Variants in EFCAB13 observed in about 807,000 individuals in gnomAD.
EFCAB13 encodes the protein EF-hand calcium-binding domain-containing protein 13.
In EFCAB13, 91 loss-of-function variants were observed where a neutral mutation model predicts 110.2. That is an observed-to-expected ratio of 0.83 (90% CI 0.70 to 0.98). The LOEUF (loss-of-function observed/expected upper bound fraction) is 0.98, where lower values mean the gene tolerates loss of function less well. Among genes scored for constraint, EFCAB13 ranks in the 50% least tolerant of loss-of-function variants. The pLI is 0.00. For missense variants in EFCAB13, 968 were observed against 1,119.4 expected (o/e 0.86, Z 1.93); for synonymous variants, 323 against 369.9 (o/e 0.87, Z 1.45).
At chr17:47,354,003 G>A (rs1389934488) in intron 9 of EFCAB13, among the ~76,000 whole-genome samples, 1 of 152,094 alleles carries the variant, frequency 6.6e-6, no homozygotes, top group African/African-American at 2.4e-5. Flanking sequence ...ACTTTTTGAT[G>A]TAGTCATTTT....
At chr17:47,426,436 T>C in intron 23 of EFCAB13, among the ~76,000 whole-genome samples, 1 of 152,174 alleles carries the variant, frequency 6.6e-6, no homozygotes, top group African/African-American at 2.4e-5. Flanking sequence ...GAAAACCCAA[T>C]AAGACTTTCC....
chr17:47,391,141 T>A (rs988931299), intron 14 of EFCAB13, among the ~76,000 whole-genome samples: 1 of 152,088 alleles, frequency 6.6e-6, no homozygotes, highest in Non-Finnish European at 1.5e-5. Flanking sequence ...GGGTCTTGCT[T>A]TGTTGCCCAA....
chr17:47,336,042 G>A (rs1281668850), intron 5 of EFCAB13, among the ~76,000 whole-genome samples: 1 of 152,084 alleles, frequency 6.6e-6, no homozygotes, highest in South Asian at 2.1e-4. Flanking sequence ...TGTTAAGTTT[G>A]TCTTAAAGAG....
chr17:47,438,498 C>CTTTTTTTTTT (rs112384926), intron 24 of EFCAB13, among the ~76,000 whole-genome samples: 3 of 142,344 alleles, frequency 2.1e-5, no homozygotes, highest in South Asian at 2.2e-4. Context: ...TAGTCTTATT[C>CTTTTTTTTTT]TTTTTTTTTT....
chr17:47,407,428 G>A (rs1473299124), intron 20 of EFCAB13, among the ~76,000 whole-genome samples: 4 of 152,028 alleles, frequency 2.6e-5, no homozygotes, highest in Non-Finnish European at 2.9e-5. Flanking sequence ...TGCCTTATTC[G>A]ACAGTGTAGA....
At chr17:47,366,887 T>C (rs1642081303) in intron 10 of EFCAB13, among the ~76,000 whole-genome samples, 2 of 152,244 alleles carry the variant, frequency 1.3e-5, no homozygotes, top group South Asian at 4.1e-4. Context: ...ATTGGACTTC[T>C]GTTCAGAGAA....
chr17:47,430,190 C>G, intron 24 of EFCAB13: 1 of 1,124,208 alleles, frequency 8.9e-7, no homozygotes, highest in Non-Finnish European at 1.1e-6. Context: ...CTGACAGTAC[C>G]TAGGAGGTGA....
At chr17:47,379,561 T>G (rs2065634984) in intron 14 of EFCAB13, among the ~76,000 whole-genome samples, 1 of 109,288 alleles carries the variant, frequency 9.2e-6, no homozygotes, top group African/African-American at 3.4e-5. Context: ...GTGATATGGT[T>G]TGTTTTTTTT....
intron 4 of EFCAB13, among the ~76,000 whole-genome samples, chr17:47,333,822 T>C (rs1261711669): frequency 1.3e-5 from 2 of 152,198 alleles, no homozygotes; most frequent in Non-Finnish European, 2.9e-5. Context: ...CCAGTAACAT[T>C]CTGTTTTGAT....
chr17:47,329,295 G>A (rs1284748220), intron 4 of EFCAB13, among the ~76,000 whole-genome samples: 1 of 152,020 alleles, frequency 6.6e-6, no homozygotes, highest in South Asian at 2.1e-4. Context: ...ACAAAAGGGT[G>A]GGGGGATTCC....
In EFCAB13 at chr17:47,431,130, TTTG is replaced by T. The variant is rs1905108261; in HGVS notation, c.2638+1172_2638+1174del. On this transcript the variant is annotated intron_variant, in intron 24 of 24. Transcript: ENST00000331493. This position sits in a 1 kb window ranked among gnomAD's most constrained non-coding sequence, Gnocchi z 4.1. ...TGTTAGAAACATTCCAATTTCACTC[TTTG>T]TTATTTTGAAATATAAAATAAATTA... Among the ~76,000 whole-genome samples the T allele has an allele frequency of 6.6e-6, 1 of 152,128 alleles. No individual in the cohort carries two copies. The highest frequency in any genetic ancestry group is 1.5e-5 in the Non-Finnish European group (1 of 68,002).
At chr17:47,405,249 C>T (rs1357604919) in intron 20 of EFCAB13, among the ~76,000 whole-genome samples, 1 of 152,146 alleles carries the variant, frequency 6.6e-6, no homozygotes, top group East Asian at 1.9e-4. Flanking sequence ...TTTACTATTA[C>T]AAACATTTGG....
At chr17:47,403,328 C>T (rs765056716) in intron 18 of EFCAB13, among the ~76,000 whole-genome samples, 7 of 152,118 alleles carry the variant, frequency 4.6e-5, no homozygotes, top group Non-Finnish European at 1.0e-4. Context: ...CCATTTTAGA[C>T]GAGACATTAA....
At chr17:47,383,707 A>G (rs770954757) in intron 14 of EFCAB13, among the ~76,000 whole-genome samples, 7 of 152,168 alleles carry the variant, frequency 4.6e-5, no homozygotes, top group African/African-American at 1.7e-4. Context: ...TATGTGGTCA[A>G]TTTTAGAATA....
rs755262450 is a variant in EFCAB13, at chr17:47,402,172, A to G, written c.1986A>G (p.Val662=). The G allele has an allele frequency of 1.2e-6, 2 of 1,613,962 alleles. No individual in the cohort carries two copies. The highest frequency in any genetic ancestry group is 1.7e-5 in the Admixed American group (1 of 60,028). The change falls in exon 18 of 25, where the codon GTA becomes GTG. Residue 662 remains valine (V), a synonymous_variant. Transcript: ENST00000331493. ...KVQFEEFAKV[V]RNMRDAARLE... ...AATTTGAAGAATTTGCAAAAGTAGTAAGGAATATGCGTGATGCTGCCAGGT... is the reference window on the plus strand; with the variant it reads ...AATTTGAAGAATTTGCAAAAGTAGTGAGGAATATGCGTGATGCTGCCAGGT...
At chr17:47,390,914 G>GTCTATCTA (rs1555583667) in intron 14 of EFCAB13, among the ~76,000 whole-genome samples, 36,831 of 150,124 alleles carry the variant, frequency 0.25, 4,814 homozygotes, top group Non-Finnish European at 0.29. Context: ...GTGTCTGTCT[G>GTCTATCTA]TCTATCTATC....
chr17:47,362,874 C>T (rs915234875), intron 10 of EFCAB13, among the ~76,000 whole-genome samples: 3 of 152,084 alleles, frequency 2.0e-5, no homozygotes, highest in Non-Finnish European at 4.4e-5. Context: ...CTTACCCTGC[C>T]CCTTTGTTTT....
chr17:47,391,419 A>G lies in EFCAB13; in HGVS notation c.1583-18A>G. On this transcript the variant is annotated intron_variant, in intron 14 of 24. Transcript: ENST00000331493. ...TGACTTATATTTAATACTTATTAGC[A>G]TACTCCTTTATTTTTAGCGTTGCCT... 2 of 1,523,304 alleles carry G rather than the reference A, an allele frequency of 1.3e-6. No individual in the cohort carries two copies. The highest frequency in any genetic ancestry group is 1.8e-6 in the Non-Finnish European group (2 of 1,141,734). The allele number at this position is 1,523,304 out of a possible 1,614,324, so 94.4% of individuals were successfully genotyped here.
chr17:47,407,993 A>G (rs563648416), intron 20 of EFCAB13, among the ~76,000 whole-genome samples: 16 of 152,280 alleles, frequency 1.1e-4, no homozygotes, highest in African/African-American at 2.9e-4. Flanking sequence ...TACAGTATCA[A>G]ATTTCTGGGT....
Sources: gnomAD v4.1 joint callset for allele counts (sites outside exome capture counted in the v4.1 genomes callset) on GRCh38, gnomAD v4.1.1 for gene constraint, Gnocchi (gnomAD v3.1) non-coding constraint, MANE v1.5 for transcripts, NCBI Gene and HGNC (gene_info 2026-07-23, HGNC 2026-07-21) for gene names.